Variants in TAFA4 observed in about 807,000 individuals in gnomAD.
TAFA4 encodes chemokine-like protein TAFA-4.
Under a neutral mutation model 21.1 loss-of-function variants are expected in TAFA4, and 20 were observed. The observed-to-expected ratio is 0.95, with a 90% CI of 0.67 to 1.38. TAFA4 has a LOEUF of 1.38. Ranked by LOEUF, TAFA4 falls within the 40% of genes most tolerant of loss-of-function variation. The probability of loss-of-function intolerance (pLI) is 0.00; values close to 1 mark genes in which losing one functional copy is unlikely to be tolerated. For missense variants in TAFA4, 211 were observed against 180.9 expected (o/e 1.17, Z -0.95); for synonymous variants, 71 against 67.4 (o/e 1.05, Z -0.26).
chr3:68,795,520 G>T (rs1703439501), intron 3 of TAFA4, among the ~76,000 whole-genome samples: 1 of 152,076 alleles, frequency 6.6e-6, no homozygotes, highest in South Asian at 2.1e-4. Flanking sequence ...CCCCAGTTAG[G>T]GCTAACTCAG....
Position 68,732,360 on chromosome 3 carries a change from T to A in TAFA4, c.*782A>T, listed in dbSNP as rs1291752843. The A allele has an allele frequency of 6.6e-6, 1 of 152,596 alleles. No individual in the cohort carries two copies. The highest frequency in any genetic ancestry group is 1.5e-5 in the Non-Finnish European group (1 of 68,028). The allele number at this position is 152,596 out of a possible 1,614,324, so 9.5% of individuals were successfully genotyped here. ...AGATTGTTTTATATTTTAAATGATTTACCTACATGACTACACAAAAGCCGT... is the reference window on the plus strand; with the variant it reads ...AGATTGTTTTATATTTTAAATGATTAACCTACATGACTACACAAAAGCCGT... On this transcript the variant is annotated 3_prime_UTR_variant, in exon 6 of 6. Transcript: ENST00000295569.
intron 3 of TAFA4, among the ~76,000 whole-genome samples, chr3:68,834,739 T>C (rs1344254400): frequency 6.6e-6 from 1 of 152,126 alleles, no homozygotes; most frequent in East Asian, 1.9e-4. Context: ...CCTCTTTCTC[T>C]TACACTCTCC....
At chr3:68,801,640 A>C (rs1296319874) in intron 3 of TAFA4, among the ~76,000 whole-genome samples, 1 of 152,220 alleles carries the variant, frequency 6.6e-6, no homozygotes, top group Non-Finnish European at 1.5e-5. Flanking sequence ...AATCTGGCTC[A>C]AGGGTTAGTG....
chr3:68,803,402 T>G (rs1005440993), intron 3 of TAFA4, among the ~76,000 whole-genome samples: 8 of 152,172 alleles, frequency 5.3e-5, no homozygotes, highest in Non-Finnish European at 1.0e-4. Context: ...TGGTCCTTAA[T>G]TCTGTCCTGG....
chr3:68,742,584 G>C (rs529224911), intron 4 of TAFA4, among the ~76,000 whole-genome samples: 2 of 152,134 alleles, frequency 1.3e-5, no homozygotes, highest in African/African-American at 2.4e-5. Flanking sequence ...TTTCAGGGCA[G>C]GGAGGTGAGG....
chr3:68,875,255 C>A (rs560432721), intron 3 of TAFA4, among the ~76,000 whole-genome samples: 1 of 150,448 alleles, frequency 6.6e-6, no homozygotes, highest in Non-Finnish European at 1.5e-5. Flanking sequence ...ACTTCTGAAT[C>A]ATTTGTTCTC....
intron 2 of TAFA4, among the ~76,000 whole-genome samples, chr3:68,884,973 C>G (rs746618019): frequency 6.6e-6 from 1 of 152,128 alleles, no homozygotes; most frequent in Non-Finnish European, 1.5e-5. Context: ...ACTGAATAAA[C>G]CAAAGTACTA....
chr3:68,825,831 C>T (rs116715062), intron 3 of TAFA4, among the ~76,000 whole-genome samples: 1 of 152,160 alleles, frequency 6.6e-6, no homozygotes, highest in African/African-American at 2.4e-5. Flanking sequence ...AGGTGTCTAT[C>T]CCTCCTCTCA....
At chr3:68,803,406 G>C (rs1336301036) in intron 3 of TAFA4, among the ~76,000 whole-genome samples, 1 of 152,104 alleles carries the variant, frequency 6.6e-6, no homozygotes, top group Non-Finnish European at 1.5e-5. Flanking sequence ...CCTTAATTCT[G>C]TCCTGGGCAA....
chr3:68,931,290 G>T (rs951409699), intron 1 of TAFA4, among the ~76,000 whole-genome samples: 2 of 152,124 alleles, frequency 1.3e-5, no homozygotes, highest in African/African-American at 2.4e-5. Context: ...CCTGAATCTC[G>T]GTGACGGGGG....
intron 3 of TAFA4, among the ~76,000 whole-genome samples, chr3:68,819,976 C>T (rs529725226): frequency 6.6e-6 from 1 of 152,282 alleles, no homozygotes; most frequent in South Asian, 2.1e-4. Flanking sequence ...AGAGAGATAC[C>T]TGTACTCCCA....
chr3:68,894,409 C>G (rs2089763944), intron 1 of TAFA4, among the ~76,000 whole-genome samples: 1 of 152,204 alleles, frequency 6.6e-6, no homozygotes, highest in Non-Finnish European at 1.5e-5. Flanking sequence ...ATCCTCCTGC[C>G]TTGGGCTCCC....
chr3:68,804,476 G>A (rs1703645061), intron 3 of TAFA4, among the ~76,000 whole-genome samples: 1 of 152,240 alleles, frequency 6.6e-6, no homozygotes, highest in South Asian at 2.1e-4. Flanking sequence ...AACCAAAAAA[G>A]AGCCCACACT....
intron 4 of TAFA4, among the ~76,000 whole-genome samples, chr3:68,746,229 C>T (rs1371514835): frequency 6.6e-6 from 1 of 152,116 alleles, no homozygotes; most frequent in Non-Finnish European, 1.5e-5. Context: ...GGGTCTAGGA[C>T]TGGCTTCCCG....
intron 3 of TAFA4, among the ~76,000 whole-genome samples, chr3:68,841,871 T>A (rs1704674293): frequency 6.6e-6 from 1 of 152,190 alleles, no homozygotes; most frequent in Non-Finnish European, 1.5e-5. Flanking sequence ...GCAAAGGACA[T>A]GAACTCATCC....
chr3:68,736,325 G>A (rs967590374), intron 5 of TAFA4, among the ~76,000 whole-genome samples: 2 of 151,926 alleles, frequency 1.3e-5, no homozygotes, highest in African/African-American at 4.8e-5. Flanking sequence ...AGCAGTAGCT[G>A]CATCCCCTCT....
At chr3:68,911,142 A>AAAGCAAAGACG (rs2089958230) in intron 1 of TAFA4, among the ~76,000 whole-genome samples, 1 of 152,248 alleles carries the variant, frequency 6.6e-6, no homozygotes, top group African/African-American at 2.4e-5. Context: ...AAGCAAAGAC[A>AAAGCAAAGACG]CTGCTGACGT....
At chr3:68,786,965 T>A (rs1297311817) in intron 3 of TAFA4, among the ~76,000 whole-genome samples, 1 of 151,892 alleles carries the variant, frequency 6.6e-6, no homozygotes, top group Non-Finnish European at 1.5e-5. Context: ...GGAGAAAAAA[T>A]AAAAAGAGTC....
At chr3:68,815,378 C>T (rs533810708) in intron 3 of TAFA4, among the ~76,000 whole-genome samples, 6 of 152,180 alleles carry the variant, frequency 3.9e-5, no homozygotes, top group East Asian at 1.9e-4. Context: ...GAACAGGCAG[C>T]GTACAGAATG....
Sources: gnomAD v4.1 joint callset for allele counts (sites outside exome capture counted in the v4.1 genomes callset) on GRCh38, gnomAD v4.1.1 for gene constraint, MANE v1.5 for transcripts, NCBI Gene and HGNC (gene_info 2026-07-23, HGNC 2026-07-21) for gene names.